The following GFRAL variants were observed in gnomAD, a reference collection of about 807,000 sequenced individuals.
GFRAL encodes the protein GDNF family receptor alpha like, also known as GDNF family receptor alpha-like.
Under a neutral mutation model 45.4 loss-of-function variants are expected in GFRAL, and 36 were observed. The ratio of observed to expected loss-of-function variants is 0.79; its 90% confidence interval spans 0.61 to 1.05. GFRAL has a LOEUF of 1.05. Among genes scored for constraint, GFRAL ranks in the 50% least tolerant of loss-of-function variants. The probability of loss-of-function intolerance (pLI) is 0.00; values close to 1 mark genes in which losing one functional copy is unlikely to be tolerated. For synonymous variants in GFRAL, 166 were observed against 154.1 expected, an observed-to-expected ratio of 1.08 and a Z score of -0.57; for missense variants, 507 against 467.5, an observed-to-expected ratio of 1.08 and a Z score of -0.78.
At chr6:55,392,744 G>T (rs1438855041) in intron 6 of GFRAL, among the ~76,000 whole-genome samples, 1 of 152,008 alleles carries the variant, frequency 6.6e-6, no homozygotes, top group African/African-American at 2.4e-5. Flanking sequence ...GGTGGGAGGA[G>T]GGAGAGGATT....
Position 55,347,074 on chromosome 6 carries a change from C to T in GFRAL, c.317-3018C>T, listed in dbSNP as rs114623711. On this transcript the variant is annotated intron_variant, in intron 3 of 8. Coordinates refer to ENST00000340465, the MANE Select transcript of GFRAL (RefSeq NM_207410.2). ...AGGGTTGGAGTTTTATAGAGAATCACGGGAAAGTAAAAGAAGAAAGGACGA... is the reference window on the plus strand; with the variant it reads ...AGGGTTGGAGTTTTATAGAGAATCATGGGAAAGTAAAAGAAGAAAGGACGA... Among the ~76,000 whole-genome samples the T allele has an allele frequency of 4.3e-3, 646 of 151,678 alleles. 2 individuals are homozygous for T. The highest frequency in any genetic ancestry group is 0.031 in the Middle Eastern group (9 of 294).
At chr6:55,369,452 C>G (rs981970784) in intron 6 of GFRAL, among the ~76,000 whole-genome samples, 2 of 152,228 alleles carry the variant, frequency 1.3e-5, no homozygotes, top group African/African-American at 4.8e-5. Context: ...CCTATTCGGC[C>G]ATCTTGGCTC....
At position 55,389,875 on chromosome 6, in the gene GFRAL, A is replaced by T. The variant is rs527978044; in HGVS notation, c.953-9305A>T. 1.0e-3 allele frequency among the ~76,000 whole-genome samples: 157 copies of T among 152,368 alleles called. 1 individual carries two copies. The highest frequency in any genetic ancestry group is 3.4e-3 in the Middle Eastern group (1 of 294). On this transcript the variant is annotated intron_variant, in intron 6 of 8. Transcript: ENST00000340465. ...ATGCAGTACTGTAAGATGTTTATGA[A>T]TAAAAGGAATGTGGCCCTGACTGAC...
At chr6:55,350,522 C>CAAAACA (rs1233637430) in intron 4 of GFRAL, among the ~76,000 whole-genome samples, 4 of 151,806 alleles carry the variant, frequency 2.6e-5, no homozygotes, top group South Asian at 2.1e-4. Context: ...AAAAACAAAA[C>CAAAACA]AAAACAAAAA....
At chr6:55,351,988 ATTCT>A (rs1334188034) in intron 5 of GFRAL, among the ~76,000 whole-genome samples, 1 of 152,106 alleles carries the variant, frequency 6.6e-6, no homozygotes, top group Admixed American at 6.6e-5. Context: ...TTTGAAATAA[ATTCT>A]TTCTGTCTTA....
At chr6:55,398,944 G>A (rs564388325) in intron 6 of GFRAL, among the ~76,000 whole-genome samples, 1 of 152,038 alleles carries the variant, frequency 6.6e-6, no homozygotes, top group South Asian at 2.1e-4. Context: ...TATAATCATT[G>A]TACTAATCTT....
At chr6:55,380,362 G>A (rs1768592158) in intron 6 of GFRAL, among the ~76,000 whole-genome samples, 1 of 151,872 alleles carries the variant, frequency 6.6e-6, no homozygotes, top group Admixed American at 6.6e-5. Flanking sequence ...CCAAACTATT[G>A]AGGAGTATTA....
intron 6 of GFRAL, among the ~76,000 whole-genome samples, chr6:55,366,925 G>A (rs1246190012): frequency 1.3e-5 from 1 of 76,804 alleles, no homozygotes; most frequent in East Asian, 2.5e-4. Flanking sequence ...CTGTTGATTT[G>A]GGGTGGAGAG....
rs571510388 is a variant in GFRAL at position 55,385,357 on chromosome 6, A to G, written c.953-13823A>G. Among the ~76,000 whole-genome samples, 94 of 152,246 alleles carry G rather than the reference A, an allele frequency of 6.2e-4. 2 individuals are homozygous for G. Among genetic ancestry groups the G allele is most frequent in the African/African-American group, 2.1e-3 (88 of 41,562 alleles). Reference sequence around the variant, plus strand: ...CTAAAGATACTGCTGTTGAAGCTACATTCTGACTACTAATGCTAGCTGACT... The same window carrying G: ...CTAAAGATACTGCTGTTGAAGCTACGTTCTGACTACTAATGCTAGCTGACT... On this transcript the variant is annotated intron_variant, in intron 6 of 8. Coordinates refer to ENST00000340465, the MANE Select transcript of GFRAL (RefSeq NM_207410.2).
chr6:55,375,426 T>C (rs999735510), intron 6 of GFRAL, among the ~76,000 whole-genome samples: 3 of 152,098 alleles, frequency 2.0e-5, no homozygotes, highest in Admixed American at 1.3e-4. Flanking sequence ...TCTCTGCTTG[T>C]CTGTTGTTTG....
At chr6:55,382,794 C>A (rs1364940720) in intron 6 of GFRAL, among the ~76,000 whole-genome samples, 1 of 151,916 alleles carries the variant, frequency 6.6e-6, no homozygotes, top group African/African-American at 2.4e-5. Context: ...CTTCAATTTC[C>A]AGTCTGTGAA....
intron 3 of GFRAL, among the ~76,000 whole-genome samples, chr6:55,349,028 A>G (rs1204383221): frequency 6.6e-6 from 1 of 152,116 alleles, no homozygotes; most frequent in Non-Finnish European, 1.5e-5. Context: ...GTAGCACAGA[A>G]GTTGGAACCT....
chr6:55,343,695 A>T (rs950783435), intron 3 of GFRAL, among the ~76,000 whole-genome samples: 1 of 152,146 alleles, frequency 6.6e-6, no homozygotes, highest in Non-Finnish European at 1.5e-5. Context: ...AACTGAAGGA[A>T]ATAGAGACAC....
intron 3 of GFRAL, among the ~76,000 whole-genome samples, chr6:55,336,317 C>T (rs770977183): frequency 1.3e-5 from 2 of 152,204 alleles, no homozygotes; most frequent in Non-Finnish European, 2.9e-5. Context: ...GACATTTTGA[C>T]TGAACTTACC....
At chr6:55,340,864 C>A (rs1767954060) in intron 3 of GFRAL, among the ~76,000 whole-genome samples, 1 of 152,324 alleles carries the variant, frequency 6.6e-6, no homozygotes, top group South Asian at 2.1e-4. Flanking sequence ...AAATGGCACA[C>A]CAGGAGATTA....
At position 55,402,122 on chromosome 6, in the gene GFRAL, TACCCGCC is replaced by T. The variant is rs1358967079; in HGVS notation, c.*273_*279del. 7.0e-6 allele frequency: 2 copies of T among 285,458 alleles called. No individual in the cohort carries two copies. The highest frequency in any genetic ancestry group is 1.3e-5 in the Non-Finnish European group (2 of 155,300). 17.7% of individuals were successfully genotyped at this position (285,458 alleles called of 1,614,324 possible). The stretch of plus-strand genomic sequence containing the variant: ...CTTCCCGAGTAGCTGGGATTACAGG[TACCCGCC>T]ACCACGCCCAGCTAATTTTTTTGTA... On this transcript the variant is annotated 3_prime_UTR_variant, in exon 9 of 9. Coordinates refer to ENST00000340465, the MANE Select transcript of GFRAL (RefSeq NM_207410.2).
At chr6:55,368,379 T>C (rs1768396793) in intron 6 of GFRAL, among the ~76,000 whole-genome samples, 1 of 151,322 alleles carries the variant, frequency 6.6e-6, no homozygotes, top group South Asian at 2.1e-4. Context: ...TCTTTGCCTT[T>C]GGTTTGAATG....
chr6:55,369,371 C>A (rs1233590390), intron 6 of GFRAL, among the ~76,000 whole-genome samples: 3 of 152,182 alleles, frequency 2.0e-5, no homozygotes, highest in African/African-American at 2.4e-5. Flanking sequence ...GAACCCGGTA[C>A]CTCGGATGGA....
intron 2 of GFRAL, among the ~76,000 whole-genome samples, chr6:55,333,033 C>A (rs919391769): frequency 5.3e-5 from 8 of 151,848 alleles, no homozygotes; most frequent in African/African-American, 1.9e-4. Flanking sequence ...TTTTATAAGG[C>A]AATTTAAAAT....
Sources: gnomAD v4.1 joint callset for allele counts (sites outside exome capture counted in the v4.1 genomes callset) on GRCh38, gnomAD v4.1.1 for gene constraint, MANE v1.5 for transcripts, NCBI Gene and HGNC (gene_info 2026-07-23, HGNC 2026-07-21) for gene names.